Variants in IRAG2 observed in about 807,000 individuals in gnomAD.
The protein encoded by IRAG2 is inositol 1,4,5-triphosphate receptor associated 2, also known as lymphoid restricted membrane protein.
A neutral mutation model predicts 69.9 loss-of-function variants in IRAG2; 45 were observed. That is an observed-to-expected ratio of 0.64 (90% CI 0.51 to 0.83). The LOEUF (loss-of-function observed/expected upper bound fraction) is 0.83. Among genes scored for constraint, IRAG2 ranks in the 40% least tolerant of loss-of-function variants. The pLI is 0.00. For synonymous variants in IRAG2, 193 were observed against 202.4 expected, an observed-to-expected ratio of 0.95 and a Z score of 0.40; for missense variants, 520 against 587.0, an observed-to-expected ratio of 0.89 and a Z score of 1.18.
chr12:25,033,994 A>C (rs1025670082), intron 13 of IRAG2: 4 of 398,594 alleles, frequency 1.0e-5, no homozygotes, highest in Non-Finnish European at 1.3e-5. Context: ...TAACTACCCC[A>C]TGTGATAGCT....
At chr12:25,000,673 C>T (rs1010127808), upstream of IRAG2, among the ~76,000 whole-genome samples, 1 of 152,168 alleles carries the variant, frequency 6.6e-6, no homozygotes, top group South Asian at 2.1e-4. Flanking sequence ...AACTGAGGTT[C>T]ATAGAACTTG....
At chr12:25,077,308 G>GATATATATGATATATATATGAA (rs1946828853) in intron 6 of IRAG2, among the ~76,000 whole-genome samples, 1 of 17,664 alleles carries the variant, frequency 5.7e-5, no homozygotes, top group Non-Finnish European at 1.2e-4. Flanking sequence ...AAATATATAT[G>GATATATATGATATATATATGAA]ATATATATGA....
intron 16 of IRAG2, among the ~76,000 whole-genome samples, chr12:25,038,675 C>G (rs1036220819): frequency 1.3e-5 from 2 of 151,492 alleles, no homozygotes; most frequent in African/African-American, 4.9e-5. Flanking sequence ...AACCAGTATA[C>G]TGAGTTATTT....
the IRAG2 span, among the ~76,000 whole-genome samples, chr12:24,999,259 G>A: frequency 2.0e-5 from 3 of 152,198 alleles, no homozygotes; most frequent in African/African-American, 7.2e-5. Context: ...CAGTTACACT[G>A]GTGGTGAAAA....
rs1949358605 is a variant in IRAG2, at chr12:25,108,252, G to C, written c.*192G>C. The C allele has an allele frequency of 1.6e-6, 1 of 610,856 alleles. No individual in the cohort carries two copies. Among genetic ancestry groups the C allele is most frequent in the East Asian group, 2.8e-5 (1 of 35,558 alleles). The allele number at this position is 610,856 out of a possible 1,614,324, so 37.8% of individuals were successfully genotyped here. A position where few individuals can be genotyped will look rare whatever the true frequency, so the allele number is the denominator to read the frequency against. On this transcript the variant is annotated 3_prime_UTR_variant, in exon 22 of 22. Coordinates refer to ENST00000556887, the MANE Select transcript of IRAG2 (RefSeq NM_001366544.2). ...TACAATGGGGAAGAAGTCTGCCTAT[G>C]ATCTTTGAATGAGCTTTTTAAGGAA...
chr12:25,063,307 C>T (rs1945752009), intron 3 of IRAG2, among the ~76,000 whole-genome samples: 1 of 152,204 alleles, frequency 6.6e-6, no homozygotes, highest in South Asian at 2.1e-4. Context: ...CTACCTTGGC[C>T]TCCCAAAGTG....
chr12:25,016,811 C>T (rs1373823234), intron 5 of IRAG2, among the ~76,000 whole-genome samples: 1 of 151,176 alleles, frequency 6.6e-6, no homozygotes, highest in South Asian at 2.1e-4. Context: ...ATATTCCAGG[C>T]AGAAATAGGA....
At chr12:25,043,423 A>C (rs1259494751) in intron 16 of IRAG2, among the ~76,000 whole-genome samples, 1 of 152,074 alleles carries the variant, frequency 6.6e-6, no homozygotes, top group Non-Finnish European at 1.5e-5. Flanking sequence ...CCTGGATACC[A>C]CTGAAAACGA....
chr12:25,079,322 G>T (rs755224922), intron 7 of IRAG2, 32 bp downstream of exon 7: 3 of 1,611,666 alleles, frequency 1.9e-6, no homozygotes, highest in South Asian at 2.2e-5. Context: ...GTGTGAATTT[G>T]TATGCATATT....
chr12:25,057,668 T>C (rs549980734), intron 1 of IRAG2, among the ~76,000 whole-genome samples: 2 of 152,324 alleles, frequency 1.3e-5, no homozygotes, highest in African/African-American at 4.8e-5. Context: ...TAACATGTCA[T>C]AAAATGTTCA....
rs554114965 is a variant in IRAG2, at chr12:25,020,884, A to G, written c.1309A>G (p.Ile437Val). The G allele has an allele frequency of 1.6e-4, 199 of 1,231,548 alleles. 1 individual carries two copies. The South Asian group carries it at 6.3e-3, about 39-fold the overall frequency. The allele number at this position is 1,231,548 out of a possible 1,614,324, so 76.3% of individuals were successfully genotyped here. Residue 437 changes from isoleucine (I) to valine (V), a missense_variant, in exon 7 of 39, where the codon ATT (isoleucine) becomes GTT (valine). By Grantham distance (29) the Ile-to-Val change is conservative. Coordinates refer to the IRAG2 transcript ENST00000636465. ...TGCTTCAGAAGAGCAGAAGAGCATGATTGTAGCCCAGAGCAAACAATTAGT... is the reference window on the plus strand; with the variant it reads ...TGCTTCAGAAGAGCAGAAGAGCATGGTTGTAGCCCAGAGCAAACAATTAGT...
chr12:25,011,506 T>G (rs1944474817), exon 3 of IRAG2: 1 of 1,231,580 alleles, frequency 8.1e-7, no homozygotes, highest in South Asian at 4.1e-5. Context: ...CTGGAAACTT[T>G]CCAGGCCATG....
intron 1 of IRAG2, among the ~76,000 whole-genome samples, chr12:25,059,711 A>T (rs536436868): frequency 6.6e-6 from 1 of 152,252 alleles, no homozygotes; most frequent in East Asian, 1.9e-4. Flanking sequence ...TGTTTGAAAA[A>T]CAAACATCTG....
At chr12:25,059,336 T>C (rs1251933133) in intron 1 of IRAG2, among the ~76,000 whole-genome samples, 1 of 152,140 alleles carries the variant, frequency 6.6e-6, no homozygotes, top group Non-Finnish European at 1.5e-5. Context: ...AAATTACTTT[T>C]GTAGGTTAGA....
At chr12:25,077,462 T>C (rs1449984376) in intron 6 of IRAG2, among the ~76,000 whole-genome samples, 1 of 147,524 alleles carries the variant, frequency 6.8e-6, no homozygotes, top group African/African-American at 2.5e-5. Flanking sequence ...TATTTAAATA[T>C]TTTAAAATAG....
At chr12:25,090,008 C>T in intron 13 of IRAG2, 49 bp from the exon 14 acceptor site, 3 of 1,581,024 alleles carry the variant, frequency 1.9e-6, no homozygotes, top group Non-Finnish European at 2.6e-6. Flanking sequence ...CATCTGACCA[C>T]ATCCGGTTTT....
At chr12:25,033,715 T>A (rs1462761615) in intron 12 of IRAG2, 1 of 392,122 alleles carries the variant, frequency 2.6e-6, no homozygotes, top group African/African-American at 2.1e-5. Context: ...ACTCTCCCTA[T>A]TCCCAAGCAC....
At chr12:25,030,038 A>G (rs1944656792) in intron 9 of IRAG2, among the ~76,000 whole-genome samples, 1 of 152,168 alleles carries the variant, frequency 6.6e-6, no homozygotes. Context: ...CAGCTCTGCC[A>G]TTGACAGTGT....
rs1196234718 is a variant in IRAG2, at chr12:25,077,341, AAT to A, written c.25-1894_25-1893del. ...TGATATATATATGATATATATATGAAATATATATATGATATATATGATATATA... is the reference window on the plus strand; with the variant it reads ...TGATATATATATGATATATATATGAAATATATATGATATATATGATATATA... On this transcript the variant is annotated intron_variant, in intron 6 of 21. Transcript: ENST00000556887. Among the ~76,000 whole-genome samples, 13 of 55,320 alleles carry A rather than the reference AAT, an allele frequency of 2.3e-4. 2 individuals carry two copies. Among genetic ancestry groups the A allele is most frequent in the African/African-American group, 6.8e-4 (8 of 11,776 alleles). 36.3% of individuals were successfully genotyped at this position (55,320 alleles called of 152,430 possible).
Sources: allele counts gnomAD v4.1 joint callset (sites outside exome capture counted in the v4.1 genomes callset), GRCh38; gene constraint gnomAD v4.1.1; transcripts MANE v1.5; gene names NCBI Gene and HGNC (gene_info 2026-07-23, HGNC 2026-07-21).